The following PDE6D variants were observed in gnomAD, a reference collection of about 807,000 sequenced individuals.
PDE6D encodes retinal rod rhodopsin-sensitive cGMP 3',5'-cyclic phosphodiesterase subunit delta.
PDE6D carries 10 observed loss-of-function variants against 21.9 expected under a neutral mutation model. That is an observed-to-expected ratio of 0.46 (90% confidence interval 0.28 to 0.78). The LOEUF (loss-of-function observed/expected upper bound fraction) is 0.78, where lower values mean the gene tolerates loss of function less well. Ranked by LOEUF, PDE6D falls within the 30% of genes least tolerant of loss-of-function variation. The pLI is 0.12. For synonymous variants in PDE6D, 59 were observed against 63.5 expected (o/e 0.93, Z 0.34); for missense variants, 139 against 184.8 (o/e 0.75, Z 1.44).
chr2:231,771,408 G>C (rs185061909), intron 1 of PDE6D, among the ~76,000 whole-genome samples: 1 of 152,182 alleles, frequency 6.6e-6, no homozygotes, highest in African/African-American at 2.4e-5. Context: ...TTCTGCCTTC[G>C]TCTAAGTGAC....
intron 1 of PDE6D, among the ~76,000 whole-genome samples, chr2:231,745,630 T>C (rs1383587054): frequency 6.7e-6 from 1 of 148,716 alleles, no homozygotes; most frequent in Non-Finnish European, 1.5e-5. Flanking sequence ...AGGAAGCACT[T>C]TCGTATGTAA....
intron 1 of PDE6D, among the ~76,000 whole-genome samples, chr2:231,749,069 G>A (rs1325663029): frequency 6.6e-6 from 1 of 152,156 alleles, no homozygotes; most frequent in East Asian, 1.9e-4. Flanking sequence ...GTGGAGCTGC[G>A]AGAAGAGGTC....
chr2:231,774,297 T>G (rs1006330604), intron 1 of PDE6D, among the ~76,000 whole-genome samples: 3 of 152,224 alleles, frequency 2.0e-5, no homozygotes, highest in Non-Finnish European at 2.9e-5. Context: ...TGCCAGGCCC[T>G]GAACCAAACA....
At chr2:231,756,108 CTCTTT>C (rs143292580) in intron 1 of PDE6D, among the ~76,000 whole-genome samples, 2,018 of 152,142 alleles carry the variant, frequency 0.013, 29 homozygotes, top group Non-Finnish European at 0.018. Context: ...CAGAACATTT[CTCTTT>C]TCTTTTCATT....
At position 231,732,997 on chromosome 2, in the gene PDE6D, G is replaced by A. The variant is rs547505745; in HGVS notation, c.408C>T (p.Asp136=). 1.8e-5 allele frequency: 29 copies of A among 1,611,896 alleles called. No individual in the cohort carries two copies. Among genetic ancestry groups the A allele is most frequent in the African/African-American group, 1.6e-4 (12 of 74,992 alleles). The stretch of plus-strand genomic sequence containing the variant: ...CTCTGGATGTGCTTACAAGAAGATC[G>A]TCGTCAAAAAACTTTGTTTCTATGA... ...NVIIETKFFD[D]DLLVSTSRVR... The change falls in exon 5 of 5, where the codon GAC becomes GAT. Residue 136 remains aspartate (D), a synonymous_variant. Coordinates refer to ENST00000287600, the MANE Select transcript of PDE6D (RefSeq NM_002601.4).
At chr2:231,766,344 C>T (rs887785008) in intron 1 of PDE6D, among the ~76,000 whole-genome samples, 16 of 152,186 alleles carry the variant, frequency 1.1e-4, no homozygotes, top group South Asian at 4.1e-4. Flanking sequence ...CAAACAATAA[C>T]GCAAACCTTT....
intron 1 of PDE6D, among the ~76,000 whole-genome samples, chr2:231,774,250 A>G (rs1009261646): frequency 2.3e-4 from 35 of 152,064 alleles, no homozygotes; most frequent in African/African-American, 8.2e-4. Context: ...ATTATTAGTA[A>G]TTATTAATAA....
chr2:231,739,125 C>G lies in PDE6D; in HGVS notation c.114G>C (p.Leu38=). The change falls in exon 2 of 5, where the codon CTG becomes CTC. Residue 38 remains leucine, a synonymous_variant. Transcript: ENST00000287600. This position sits in a 1 kb window ranked among gnomAD's most constrained non-coding sequence, Gnocchi z 4.2. ...CTTCATGCTCCACACCAGGGACAGA[C>G]AGGTCTTCTGTTCCTTGCCAGAGTA... The part of the protein sequence containing the change: ...GKILWQGTED[L]SVPGVEHEAR... 1 of 1,612,192 alleles carries G rather than the reference C, an allele frequency of 6.2e-7. No homozygotes were observed.
Position 231,737,200 on chromosome 2 carries a change from C to G in PDE6D, c.358G>C (p.Ala120Pro). The change falls in exon 4 of 5, where the codon GCA becomes CCA. Residue 120 changes from alanine to proline, a missense_variant. Ala to Pro is a conservative substitution (Grantham distance 27). Transcript: ENST00000287600. ...CTGCTCACTCACGTTAAGACGCTTG[C>G]TGGCATCATCTGGGACTCGGGTGCT... ...EAAPESQMMP[A>P]SVLTGNVIIE... 1 of 1,601,886 alleles carries G rather than the reference C, an allele frequency of 6.2e-7. No individual in the cohort carries two copies. Among genetic ancestry groups the G allele is most frequent in the Non-Finnish European group, 8.6e-7 (1 of 1,168,910 alleles).
intron 1 of PDE6D, among the ~76,000 whole-genome samples, chr2:231,777,056 G>A (rs2049063272): frequency 6.6e-6 from 1 of 152,020 alleles, no homozygotes; most frequent in African/African-American, 2.4e-5. Flanking sequence ...GTCCAAACTG[G>A]CAAAAATAAA....
intron 1 of PDE6D, among the ~76,000 whole-genome samples, chr2:231,755,160 C>G (rs2048872917): frequency 6.6e-6 from 1 of 152,190 alleles, no homozygotes; most frequent in African/African-American, 2.4e-5. Context: ...TGCTGGTACG[C>G]TGATCTCAGA....
At chr2:231,776,887 C>T (rs1359037980) in intron 1 of PDE6D, among the ~76,000 whole-genome samples, 3 of 152,110 alleles carry the variant, frequency 2.0e-5, no homozygotes, top group African/African-American at 7.2e-5. Flanking sequence ...ATGCTTTTAA[C>T]AAACAAGAAA....
At chr2:231,735,102 C>T (rs1158896300) in intron 4 of PDE6D, among the ~76,000 whole-genome samples, 7 of 149,010 alleles carry the variant, frequency 4.7e-5, no homozygotes, top group African/African-American at 1.2e-4. Context: ...ATTAGCTGGG[C>T]GTGGTGGCGG....
intron 1 of PDE6D, among the ~76,000 whole-genome samples, chr2:231,741,329 A>G (rs1296059281): frequency 3.9e-5 from 6 of 152,194 alleles, no homozygotes; most frequent in Non-Finnish European, 8.8e-5. Flanking sequence ...AGGGCCTTTA[A>G]AATTTTCAGG....
chr2:231,772,926 C>T (rs1223113738), intron 1 of PDE6D, among the ~76,000 whole-genome samples: 2 of 152,048 alleles, frequency 1.3e-5, no homozygotes, highest in African/African-American at 4.8e-5. Context: ...AAAACAAAAG[C>T]AGGAATGCCT....
At chr2:231,741,112 T>TAA (rs2048745670) in intron 1 of PDE6D, among the ~76,000 whole-genome samples, 1 of 29,726 alleles carries the variant, frequency 3.4e-5, no homozygotes. Context: ...AAACCCTGTC[T>TAA]CAAAAAAAAA....
At chr2:231,756,362 G>A (rs941693206) in intron 1 of PDE6D, among the ~76,000 whole-genome samples, 1 of 152,166 alleles carries the variant, frequency 6.6e-6, no homozygotes, top group Non-Finnish European at 1.5e-5. Context: ...ACATCATAAT[G>A]TACATATTAA....
intron 1 of PDE6D, among the ~76,000 whole-genome samples, chr2:231,741,764 A>T (rs1306980674): frequency 6.6e-6 from 1 of 152,206 alleles, no homozygotes; most frequent in African/African-American, 2.4e-5. Flanking sequence ...TGGAAGAAAA[A>T]AGTAGTCATA....
At chr2:231,765,882 G>T (rs1224169100) in intron 1 of PDE6D, among the ~76,000 whole-genome samples, 1 of 151,918 alleles carries the variant, frequency 6.6e-6, no homozygotes, top group Non-Finnish European at 1.5e-5. Flanking sequence ...TTTCCTTTCT[G>T]AACTCATTTC....
Sources: gnomAD v4.1 joint callset for allele counts (sites outside exome capture counted in the v4.1 genomes callset) on GRCh38, gnomAD v4.1.1 for gene constraint, Gnocchi (gnomAD v3.1) non-coding constraint, MANE v1.5 for transcripts, NCBI Gene and HGNC (gene_info 2026-07-23, HGNC 2026-07-21) for gene names.